Variants in DNAH6 observed in about 807,000 individuals in gnomAD.
The protein encoded by DNAH6 is dynein axonemal heavy chain 6.
Under a neutral mutation model 491.4 loss-of-function variants are expected in DNAH6, and 340 were observed. That is an observed-to-expected ratio of 0.69 (90% CI 0.63 to 0.76). The LOEUF (loss-of-function observed/expected upper bound fraction) is 0.76, where lower values mean the gene tolerates loss of function less well. DNAH6 is among the 30% of genes least tolerant of loss of function. DNAH6 has a pLI of 0.00. For synonymous variants in DNAH6, 1,603 were observed against 1,686.1 expected, an observed-to-expected ratio of 0.95 and a Z score of 1.21; for missense variants, 4,443 against 4,972.2, an observed-to-expected ratio of 0.89 and a Z score of 3.20.
At chr2:84,650,461 G>A (rs763083779) in intron 33 of DNAH6, among the ~76,000 whole-genome samples, 6 of 147,086 alleles carry the variant, frequency 4.1e-5, no homozygotes, top group East Asian at 4.0e-4. Context: ...TTTTGTTATT[G>A]TATTTTTTCA....
intron 26 of DNAH6, among the ~76,000 whole-genome samples, chr2:84,622,643 T>C (rs1051870948): frequency 6.6e-6 from 1 of 152,092 alleles, no homozygotes; most frequent in East Asian, 1.9e-4. Flanking sequence ...AACATAGGAG[T>C]GCAGATAGTC....
intron 70 of DNAH6, among the ~76,000 whole-genome samples, chr2:84,800,987 A>G (rs1199349458): frequency 6.6e-6 from 1 of 151,180 alleles, no homozygotes; most frequent in Non-Finnish European, 1.5e-5. Context: ...TCAGTAAACT[A>G]TCGCAAGAAC....
chr2:84,777,137 C>T (rs1676207639), intron 64 of DNAH6: 1 of 163,174 alleles, frequency 6.1e-6, no homozygotes, highest in Non-Finnish European at 1.3e-5. Flanking sequence ...GGAGATATAC[C>T]CAATGTAAAT....
intron 64 of DNAH6, among the ~76,000 whole-genome samples, chr2:84,763,454 T>A (rs941232560): frequency 6.6e-6 from 1 of 152,138 alleles, no homozygotes; most frequent in African/African-American, 2.4e-5. Flanking sequence ...GAAAGTTCAG[T>A]CTTCCTGACT....
At chr2:84,619,557 C>T in intron 23 of DNAH6, 128 bp from the exon 24 acceptor site, 1 of 775,986 alleles carries the variant, frequency 1.3e-6, no homozygotes, top group Non-Finnish European at 2.0e-6. Context: ...AAACCCATGA[C>T]CAGTATAATT....
chr2:84,601,013 ATT>A (rs1491355726), intron 18 of DNAH6, among the ~76,000 whole-genome samples: 14 of 147,544 alleles, frequency 9.5e-5, no homozygotes, highest in African/African-American at 2.9e-4. Flanking sequence ...CTATAATAAT[ATT>A]ATAATAATAA....
At chr2:84,705,109 GC>G (rs940862972) in intron 51 of DNAH6, among the ~76,000 whole-genome samples, 1 of 152,294 alleles carries the variant, frequency 6.6e-6, no homozygotes, top group Non-Finnish European at 1.5e-5. Flanking sequence ...GAGACATAAA[GC>G]CCAGTTAGAA....
rs370039879 is a variant in DNAH6 at position 84,759,669 on chromosome 2, A to G, written c.10513-3086A>G. 1.1e-4 allele frequency among the ~76,000 whole-genome samples: 16 copies of G among 152,328 alleles called. No homozygotes were observed. In the South Asian group the frequency reaches 2.5e-3, roughly 24 times the overall value. On this transcript the variant is annotated intron_variant, in intron 63 of 76. Coordinates refer to ENST00000389394, the MANE Select transcript of DNAH6 (RefSeq NM_001370.2). ...ATGCCCATGGATAAGAAGAATTACT[A>G]TCAATAAAATGACCATACTGTCCAG... is the stretch of plus-strand genomic sequence containing the variant.
the DNAH6 span, among the ~76,000 whole-genome samples, chr2:84,511,371 C>G: frequency 1.5e-5 from 2 of 137,072 alleles, no homozygotes; most frequent in Non-Finnish European, 2.9e-5. Context: ...ACTCTCCAAG[C>G]CATGCGCGGG....
rs898725686 is a variant in DNAH6, at chr2:84,604,615, A to G, written c.3081+64A>G. The G allele has an allele frequency of 1.9e-5, 24 of 1,282,320 alleles. No individual in the cohort carries two copies. In the African/African-American group the frequency reaches 2.7e-4, roughly 14 times the overall value. The allele number at this position is 1,282,320 out of a possible 1,614,324, so 79.4% of individuals were successfully genotyped here. On this transcript the variant is annotated intron_variant, in intron 19 of 76. Transcript: ENST00000389394. ...GAATGTGAAAGTTTTCAGATTCAAC[A>G]TTTGGTGATCTGGATGTTTTTTTCA...
At chr2:84,509,773 G>T in the DNAH6 span, among the ~76,000 whole-genome samples, 1,028 of 152,238 alleles carry the variant, frequency 6.8e-3, 14 homozygotes, top group African/African-American at 0.023. Context: ...AGGCCTGGTG[G>T]TGACAAAATC....
Position 84,593,660 on chromosome 2 carries a change from G to A in DNAH6, c.2611-312G>A, listed in dbSNP as rs985860572. ...TTTCCCTAGAAGACCTAACATATAT[G>A]TGCATGTACAATCCAACTCAAAAAA... On this transcript the variant is annotated intron_variant, in intron 16 of 76. Transcript: ENST00000389394. Among the ~76,000 whole-genome samples, 5 of 152,072 alleles carry A rather than the reference G, an allele frequency of 3.3e-5. No homozygotes were observed. The East Asian group carries it at 9.6e-4, about 29-fold the overall frequency.
chr2:84,619,621 T>C, intron 23 of DNAH6, 64 bp from the exon 24 acceptor site: 2 of 1,424,966 alleles, frequency 1.4e-6, no homozygotes, highest in Non-Finnish European at 1.9e-6. Context: ...GAATTTATCT[T>C]TTATGTCTGT....
At chr2:84,531,337 A>T (rs1421309679) in intron 4 of DNAH6, among the ~76,000 whole-genome samples, 7 of 17,682 alleles carry the variant, frequency 4.0e-4, no homozygotes, top group Non-Finnish European at 6.2e-4. Flanking sequence ...TTTTTTTTTT[A>T]TTTTTTATTT....
At chr2:84,459,594 G>T in the DNAH6 span, 13 of 273,106 alleles carry the variant, frequency 4.8e-5, no homozygotes, top group Non-Finnish European at 4.3e-5. Context: ...TGAGGCGGCG[G>T]GAAGGGAGCG....
chr2:84,612,324 C>T lies in DNAH6; in HGVS notation c.3475+470C>T, dbSNP rs575301986. On this transcript the variant is annotated intron_variant, in intron 22 of 76. Transcript: ENST00000389394. ...TTACCACTTATTACATTTCTAGTCT[C>T]TAGGTTGAAATGTGTTTGAATAAGT... Among the ~76,000 whole-genome samples, 10 of 152,206 alleles carry T rather than the reference C, an allele frequency of 6.6e-5. 1 individual carries two copies. In the South Asian group the frequency reaches 2.1e-3, roughly 32 times the overall value.
At chr2:84,477,831 G>A in the DNAH6 span, among the ~76,000 whole-genome samples, 1,686 of 152,290 alleles carry the variant, frequency 0.011, 30 homozygotes, top group African/African-American at 0.039. Context: ...CTCTAGAATC[G>A]GGATGTGCTA....
At chr2:84,738,434 A>C (rs558575950) in intron 62 of DNAH6, among the ~76,000 whole-genome samples, 1 of 152,078 alleles carries the variant, frequency 6.6e-6, no homozygotes, top group African/African-American at 2.4e-5. Flanking sequence ...AATGCTATCA[A>C]TGGGGTGTTG....
chr2:84,709,365 A>T lies in DNAH6; in HGVS notation c.9071A>T (p.Asp3024Val), dbSNP rs1469522030. The change falls in exon 55 of 77, where the codon GAC (aspartate) becomes GTC (valine). Residue 3024 changes from aspartate to valine, a missense_variant. This residue lies in a region of DNAH6 where 1,463 missense variants were observed against 1,656.6 expected (regional missense o/e 0.88). Coordinates refer to ENST00000389394, the MANE Select transcript of DNAH6 (RefSeq NM_001370.2). ...CAGCTTATAGAGTGTTGGATCCAGG[A>T]CTGTCAGTCTCTGGAGATCCCAATC... The part of the protein sequence containing the change: ...RQSLIECWIQ[D>V]CQSLEIPIDP... The T allele has an allele frequency of 6.4e-6, 10 of 1,551,550 alleles. No homozygotes were observed. The highest frequency in any genetic ancestry group is 8.7e-6 in the Non-Finnish European group (10 of 1,146,974).
Sources: gnomAD v4.1 joint callset for allele counts (sites outside exome capture counted in the v4.1 genomes callset) on GRCh38, gnomAD v4.1.1 for gene constraint, gnomAD v4.1.1 regional missense constraint, MANE v1.5 for transcripts, NCBI Gene and HGNC (gene_info 2026-07-23, HGNC 2026-07-21) for gene names.